Variants in VSTM4 observed in about 807,000 individuals in gnomAD.
The protein encoded by VSTM4 is V-set and transmembrane domain containing 4, also known as V-set and transmembrane domain-containing protein 4.
In VSTM4, 20 loss-of-function variants were observed where a neutral mutation model predicts 36.4. The ratio of observed to expected loss-of-function variants is 0.55; its 90% CI spans 0.39 to 0.80. VSTM4 has a LOEUF of 0.80. VSTM4 is among the 30% of genes least tolerant of loss of function. The probability of loss-of-function intolerance (pLI) is 0.00; values close to 1 mark genes in which losing one functional copy is unlikely to be tolerated. For synonymous variants in VSTM4, 182 were observed against 173.9 expected (o/e 1.05, Z -0.37); for missense variants, 392 against 404.5 (o/e 0.97, Z 0.26).
intron 3 of VSTM4, among the ~76,000 whole-genome samples, chr10:49,085,214 G>T (rs868653208): frequency 6.6e-6 from 1 of 152,224 alleles, no homozygotes; most frequent in East Asian, 1.9e-4. Flanking sequence ...ATATGCTGCC[G>T]GTCTGCAATC....
At chr10:49,062,067 T>C (rs1843887204) in intron 5 of VSTM4, among the ~76,000 whole-genome samples, 1 of 152,222 alleles carries the variant, frequency 6.6e-6, no homozygotes, top group Non-Finnish European at 1.5e-5. Flanking sequence ...CATATGTGAC[T>C]TTACACGGTC....
intron 1 of VSTM4, among the ~76,000 whole-genome samples, chr10:49,115,024 G>C (rs1373307133): frequency 6.6e-6 from 1 of 152,156 alleles, no homozygotes; most frequent in East Asian, 1.9e-4. Flanking sequence ...TCTCCGAAGA[G>C]AGTGAAAGGG....
At chr10:49,065,516 G>A (rs1456146187) in intron 4 of VSTM4, among the ~76,000 whole-genome samples, 1 of 152,208 alleles carries the variant, frequency 6.6e-6, no homozygotes, top group Non-Finnish European at 1.5e-5. Context: ...AGGTGTAAAA[G>A]ACACCTGTGC....
chr10:49,058,422 G>A (rs1294710205), intron 5 of VSTM4, among the ~76,000 whole-genome samples: 1 of 152,092 alleles, frequency 6.6e-6, no homozygotes, highest in Non-Finnish European at 1.5e-5. Flanking sequence ...AGGAATTTTG[G>A]AGCAATTTTA....
chr10:49,107,974 A>G lies in VSTM4; in HGVS notation c.77T>C (p.Val26Ala). The part of the protein sequence containing the change: ...PAPEVCAALN[V>A]TVSPGPVVDY... ...AACCACGGGCCCCGGGGACACAGTG[A>G]CATTGAGGGCCGCACAGACCTCTGC... The change falls in exon 2 of 8, where the codon GTC (valine) becomes GCC (alanine). Residue 26 changes from valine (V) to alanine (A), a missense_variant. By Grantham distance (64) the Val-to-Ala change is moderately conservative. Transcript: ENST00000332853. 6.3e-7 allele frequency: 1 copy of G among 1,591,094 alleles called. No homozygotes were observed. The highest frequency in any genetic ancestry group is 8.6e-7 in the Non-Finnish European group (1 of 1,167,882).
At chr10:49,032,381 C>T (rs779022780) in intron 7 of VSTM4, among the ~76,000 whole-genome samples, 54 of 152,170 alleles carry the variant, frequency 3.5e-4, no homozygotes, top group African/African-American at 6.3e-4. Context: ...CATCCAGGGC[C>T]GTGTGGATAA....
chr10:49,101,272 C>T (rs986365681), intron 2 of VSTM4, among the ~76,000 whole-genome samples: 6 of 151,832 alleles, frequency 4.0e-5, no homozygotes, highest in South Asian at 4.1e-4. Flanking sequence ...AATATCTATA[C>T]GGTAAAAGAA....
chr10:49,019,656 C>T lies in VSTM4; in HGVS notation c.957G>A (p.Lys319=), dbSNP rs755784745. Residue 319 remains lysine, a synonymous_variant, in exon 8 of 8, where the codon AAG becomes AAA. Coordinates refer to ENST00000332853, the MANE Select transcript of VSTM4 (RefSeq NM_001031746.5). Reference sequence around the variant, plus strand: ...CTTGGAGGTGGACGCTGTACTACAGCTTGTTCTCCTCGAAGAGGATCTGGG... The same window carrying T: ...CTTGGAGGTGGACGCTGTACTACAGTTTGTTCTCCTCGAAGAGGATCTGGG... ...VYAQILFEEN[K]L is the part of the protein sequence containing the mutation. The T allele has an allele frequency of 1.2e-6, 2 of 1,611,320 alleles. No individual in the cohort carries two copies. Among genetic ancestry groups the T allele is most frequent in the Non-Finnish European group, 1.7e-6 (2 of 1,178,656 alleles).
chr10:49,109,119 G>A (rs912245699), intron 1 of VSTM4, among the ~76,000 whole-genome samples: 1 of 151,908 alleles, frequency 6.6e-6, no homozygotes, highest in East Asian at 1.9e-4. Flanking sequence ...GAAGCCATTC[G>A]CCTCCACCCC....
intron 7 of VSTM4, among the ~76,000 whole-genome samples, chr10:49,028,915 C>T (rs1226580547): frequency 6.6e-6 from 1 of 152,230 alleles, no homozygotes. Context: ...GCTGCACTAT[C>T]AGGAATCTAT....
intron 7 of VSTM4, among the ~76,000 whole-genome samples, chr10:49,044,193 T>G (rs1020342158): frequency 1.3e-5 from 2 of 152,042 alleles, no homozygotes; most frequent in African/African-American, 2.4e-5. Flanking sequence ...CCTAGCATAG[T>G]GGCATGCACC....
intron 6 of VSTM4, among the ~76,000 whole-genome samples, chr10:49,048,001 C>T (rs2131959773): frequency 6.6e-6 from 1 of 152,334 alleles, no homozygotes; most frequent in South Asian, 2.1e-4. Context: ...TGCTCTAAAT[C>T]ATAACTGGAA....
chr10:49,022,504 G>A (rs909811957), intron 7 of VSTM4, among the ~76,000 whole-genome samples: 3 of 152,076 alleles, frequency 2.0e-5, no homozygotes, highest in Non-Finnish European at 4.4e-5. Flanking sequence ...CCTCTGCTGG[G>A]GGTGACTGCC....
At chr10:49,088,028 T>C (rs1357955534) in intron 2 of VSTM4, among the ~76,000 whole-genome samples, 1 of 148,670 alleles carries the variant, frequency 6.7e-6, no homozygotes, top group East Asian at 1.9e-4. Flanking sequence ...TATACATATA[T>C]ATGTAATTAT....
chr10:49,111,946 A>C (rs1463379669), intron 1 of VSTM4, among the ~76,000 whole-genome samples: 1 of 152,220 alleles, frequency 6.6e-6, no homozygotes. Context: ...ACTCACTTGC[A>C]GCTAATGAAA....
intron 5 of VSTM4, among the ~76,000 whole-genome samples, chr10:49,061,907 A>G (rs531485079): frequency 1.1e-3 from 160 of 152,216 alleles, no homozygotes; most frequent in African/African-American, 3.5e-3. Context: ...AGGCTACCAT[A>G]TTATTGTTTG....
At chr10:49,041,025 T>C (rs1843513349) in intron 7 of VSTM4, among the ~76,000 whole-genome samples, 1 of 152,236 alleles carries the variant, frequency 6.6e-6, no homozygotes, top group Non-Finnish European at 1.5e-5. Context: ...AATTATTTTC[T>C]AAATTATCCA....
rs190510011 is a variant in VSTM4, at chr10:49,023,952, C to T, written c.838-4177G>A. On this transcript the variant is annotated intron_variant, in intron 7 of 7. Transcript: ENST00000332853. ...AGGAGTTCCAGGCCTCAGACCCGGA[C>T]CGAGTTTTACATTTATATCCAGATG... is the stretch of plus-strand genomic sequence containing the variant. 8.2e-4 allele frequency among the ~76,000 whole-genome samples: 125 copies of T among 152,258 alleles called. 1 individual carries two copies. Among genetic ancestry groups the T allele is most frequent in the African/African-American group, 2.8e-3 (118 of 41,538 alleles).
intron 2 of VSTM4, 124 bp downstream of exon 2, chr10:49,107,470 G>A: frequency 8.0e-7 from 1 of 1,257,172 alleles, no homozygotes; most frequent in Non-Finnish European, 1.1e-6. Flanking sequence ...GTGACCAACA[G>A]AGGCCCACAA....
Sources: gnomAD v4.1 joint callset for allele counts (sites outside exome capture counted in the v4.1 genomes callset) on GRCh38, gnomAD v4.1.1 for gene constraint, MANE v1.5 for transcripts, NCBI Gene and HGNC (gene_info 2026-07-23, HGNC 2026-07-21) for gene names.